FRMD4B: variants seen among roughly 807,000 people sequenced by gnomAD.
FRMD4B encodes FERM domain containing 4B, also known as FERM domain-containing protein 4B.
FRMD4B carries 74 observed loss-of-function variants against 141.5 expected under a neutral mutation model. The observed-to-expected ratio is 0.52, with a 90% CI of 0.43 to 0.63. The LOEUF is 0.63. Ranked by LOEUF, FRMD4B falls within the 30% of genes least tolerant of loss-of-function variation. The pLI is 0.00. For synonymous variants in FRMD4B, 506 were observed against 467.9 expected (o/e 1.08, Z -1.05); for missense variants, 1,366 against 1,253.4 (o/e 1.09, Z -1.36).
intron 5 of FRMD4B, among the ~76,000 whole-genome samples, chr3:69,270,173 AC>A (rs1442812704): frequency 2.6e-5 from 4 of 152,212 alleles, no homozygotes; most frequent in Non-Finnish European, 4.4e-5. Flanking sequence ...ATGTCACCAA[AC>A]CCAGCTCTCT....
intron 5 of FRMD4B, among the ~76,000 whole-genome samples, chr3:69,279,019 A>G (rs1575685936): frequency 6.6e-6 from 1 of 151,948 alleles, no homozygotes; most frequent in African/African-American, 2.4e-5. Flanking sequence ...CATCAGACAC[A>G]TTACCTTTAA....
At chr3:69,183,547 A>AT (rs911308927) in intron 19 of FRMD4B, among the ~76,000 whole-genome samples, 1 of 119,078 alleles carries the variant, frequency 8.4e-6, no homozygotes, top group Non-Finnish European at 1.6e-5. Flanking sequence ...CAGTGGTGTG[A>AT]TTTTGGCTCA....
chr3:69,413,684 A>G (rs1704799536), intron 2 of FRMD4B, among the ~76,000 whole-genome samples: 1 of 152,180 alleles, frequency 6.6e-6, no homozygotes, highest in African/African-American at 2.4e-5. Context: ...CCCTAGCTTT[A>G]GAGTTTGACT....
Position 69,278,567 on chromosome 3 carries a change from G to A in FRMD4B, c.501+9185C>T, listed in dbSNP as rs575670235. ...CTTACTGGGCCTCCCAAAGTGTTGC[G>A]ATTACAGGTGTGAGTCACCCCAGTG... On this transcript the variant is annotated intron_variant, in intron 5 of 22. Coordinates refer to ENST00000398540, the MANE Select transcript of FRMD4B (RefSeq NM_015123.3). Among the ~76,000 whole-genome samples the A allele has an allele frequency of 3.0e-4, 46 of 151,266 alleles. 2 individuals carry two copies. The highest frequency in any genetic ancestry group is 2.6e-3 in the Admixed American group (39 of 15,192).
chr3:69,501,253 T>C (rs576496005), intron 1 of FRMD4B, among the ~76,000 whole-genome samples: 1 of 141,002 alleles, frequency 7.1e-6, no homozygotes. Flanking sequence ...TTTTTTTAGC[T>C]AATCAGCTAT....
At chr3:69,427,547 T>C (rs1429729091) in intron 2 of FRMD4B, among the ~76,000 whole-genome samples, 2 of 150,294 alleles carry the variant, frequency 1.3e-5, no homozygotes, top group Non-Finnish European at 1.5e-5. Flanking sequence ...TTCAGAGCTC[T>C]TCTCTGATAA....
intron 1 of FRMD4B, among the ~76,000 whole-genome samples, chr3:69,449,126 T>A (rs372899368): frequency 1.4e-4 from 21 of 152,306 alleles, no homozygotes; most frequent in Admixed American, 7.2e-4. Flanking sequence ...CAGATTTTTA[T>A]CACCCCAAGG....
chr3:69,210,268 G>C lies in FRMD4B; in HGVS notation c.876+5995C>G, dbSNP rs532563939. 2.6e-5 allele frequency among the ~76,000 whole-genome samples: 4 copies of C among 152,356 alleles called. No homozygotes were observed. The South Asian group carries it at 8.3e-4, about 32-fold the overall frequency. On this transcript the variant is annotated intron_variant, in intron 11 of 22. Coordinates refer to ENST00000398540, the MANE Select transcript of FRMD4B (RefSeq NM_015123.3). The stretch of plus-strand genomic sequence containing the variant: ...CCATCTGACAGGCTCTGGTTTTCCA[G>C]GGGAAGTATTTGCCGAAGGGATACA...
At chr3:69,406,739 G>GT (rs869094932) in intron 2 of FRMD4B, among the ~76,000 whole-genome samples, 70 of 145,148 alleles carry the variant, frequency 4.8e-4, no homozygotes, top group African/African-American at 5.8e-4. Flanking sequence ...TTTTGTTTTT[G>GT]TTTTTTTTTT....
chr3:69,232,545 C>T (rs1039104496), intron 7 of FRMD4B, among the ~76,000 whole-genome samples: 2 of 152,158 alleles, frequency 1.3e-5, no homozygotes, highest in African/African-American at 4.8e-5. Context: ...TTTTTCTTTA[C>T]TGACCCCAAG....
At chr3:69,325,608 A>G (rs1702165561) in intron 1 of FRMD4B, among the ~76,000 whole-genome samples, 1 of 152,224 alleles carries the variant, frequency 6.6e-6, no homozygotes, top group African/African-American at 2.4e-5. Context: ...AGAGAATATC[A>G]TGGTATCTCT....
At chr3:69,509,644 C>T (rs1307336408) in intron 1 of FRMD4B, among the ~76,000 whole-genome samples, 1 of 152,118 alleles carries the variant, frequency 6.6e-6, no homozygotes, top group East Asian at 1.9e-4. Context: ...AACTCATCTA[C>T]TGCTGGAAAA....
In FRMD4B at chr3:69,410,395, C is replaced by T. The variant is rs559139472; in HGVS notation, c.-1+22239G>A. On this transcript the variant is annotated intron_variant, in intron 2 of 5. Coordinates refer to the FRMD4B transcript ENST00000459638. Reference sequence around the variant, plus strand: ...ATGGATAAGTGTAAATGTAGGAATGCGTGTGTGAGTATGAGTATGAGGGTG... The same window carrying T: ...ATGGATAAGTGTAAATGTAGGAATGTGTGTGTGAGTATGAGTATGAGGGTG... Among the ~76,000 whole-genome samples, 317 of 151,982 alleles carry T rather than the reference C, an allele frequency of 2.1e-3. 4 individuals carry two copies. The highest frequency in any genetic ancestry group is 4.6e-3 in the South Asian group (22 of 4,790).
rs145791313 is a variant in FRMD4B, at chr3:69,190,622, C to T, written c.1715-670G>A. On this transcript the variant is annotated intron_variant, in intron 17 of 22. Transcript: ENST00000398540. Reference sequence around the variant, plus strand: ...GTAAAGATCAGGTATCACCATTTGGCCAGGCTGGTCTTGAACTCCTGGGCT... The same window carrying T: ...GTAAAGATCAGGTATCACCATTTGGTCAGGCTGGTCTTGAACTCCTGGGCT... Among the ~76,000 whole-genome samples, 56 of 152,236 alleles carry T rather than the reference C, an allele frequency of 3.7e-4. No individual in the cohort carries two copies. The East Asian group carries it at 0.011, about 29-fold the overall frequency.
intron 2 of FRMD4B, among the ~76,000 whole-genome samples, chr3:69,424,230 A>G (rs569013572): frequency 6.6e-6 from 1 of 152,288 alleles, no homozygotes; most frequent in Admixed American, 6.5e-5. Context: ...ATGTTTCAGT[A>G]TTTGCTAATT....
rs1312842764 is a variant in FRMD4B, at chr3:69,313,533, A to G, written c.163-16T>C. 7.8e-6 allele frequency: 12 copies of G among 1,539,274 alleles called. No individual in the cohort carries two copies. The highest frequency in any genetic ancestry group is 1.1e-5 in the Non-Finnish European group (12 of 1,131,494). On this transcript the variant is annotated splice_polypyrimidine_tract_variant and intron_variant, in intron 1 of 22. Transcript: ENST00000398540. ...CTTCTGTCATCTGCAGGAACAAGACAGCAAGAGTGGTGTCAGGGCCACGGC... is the reference window on the plus strand; with the variant it reads ...CTTCTGTCATCTGCAGGAACAAGACGGCAAGAGTGGTGTCAGGGCCACGGC...
At chr3:69,409,074 G>A (rs962305761) in intron 2 of FRMD4B, among the ~76,000 whole-genome samples, 1 of 152,120 alleles carries the variant, frequency 6.6e-6, no homozygotes, top group African/African-American at 2.4e-5. Context: ...TGTCTAAAAG[G>A]CCAGTTCTTG....
At chr3:69,207,046 TA>T (rs1405101834) in intron 11 of FRMD4B, among the ~76,000 whole-genome samples, 1 of 152,182 alleles carries the variant, frequency 6.6e-6, no homozygotes, top group African/African-American at 2.4e-5. Context: ...CTCACGCTTA[TA>T]ATCCCAGCAC....
rs556843543 is a variant in FRMD4B at position 69,297,303 on chromosome 3, A to G, written c.416+5040T>C. Among the ~76,000 whole-genome samples, 16 of 152,198 alleles carry G rather than the reference A, an allele frequency of 1.1e-4. No homozygotes were observed. The South Asian group carries it at 1.9e-3, about 18-fold the overall frequency. On this transcript the variant is annotated intron_variant, in intron 4 of 22. Transcript: ENST00000398540. The stretch of plus-strand genomic sequence containing the variant: ...CATGTTTGCAGCAATTTTCACCCAG[A>G]GGTAGCAGTCTGCCTCCGGGTTTCC...
Sources: allele counts gnomAD v4.1 joint callset (sites outside exome capture counted in the v4.1 genomes callset), GRCh38; gene constraint gnomAD v4.1.1; transcripts MANE v1.5; gene names NCBI Gene and HGNC (gene_info 2026-07-23, HGNC 2026-07-21).